The following ARL15 variants were observed in gnomAD, a reference collection of about 807,000 sequenced individuals.
ARL15 encodes the protein ARF like GTPase 15.
Under a neutral mutation model 25.2 loss-of-function variants are expected in ARL15, and 19 were observed. The ratio of observed to expected loss-of-function variants is 0.75; its 90% CI spans 0.53 to 1.10. The LOEUF (loss-of-function observed/expected upper bound fraction) is 1.10, where lower values mean the gene tolerates loss of function less well. Among genes scored for constraint, ARL15 ranks in the 50% least tolerant of loss-of-function variants. ARL15 has a pLI of 0.00. For missense variants in ARL15, 220 were observed against 246.0 expected (o/e 0.89, Z 0.71); for synonymous variants, 94 against 86.8 (o/e 1.08, Z -0.46).
chr5:54,011,336 T>G (rs1229572751), intron 4 of ARL15, among the ~76,000 whole-genome samples: 1 of 152,196 alleles, frequency 6.6e-6, no homozygotes, highest in African/African-American at 2.4e-5. Flanking sequence ...ACACAGAACT[T>G]CAACTTTCTA....
chr5:54,169,912 T>C lies in ARL15; in HGVS notation c.193+1872A>G, dbSNP rs142182879. ...TACTCATTACAATCCCCTTATCCTT[T>C]CCCTCATCCTAAAATCAAGCAATGT... On this transcript the variant is annotated intron_variant, in intron 2 of 4. Coordinates refer to ENST00000504924, the MANE Select transcript of ARL15 (RefSeq NM_019087.3). Among the ~76,000 whole-genome samples the C allele has an allele frequency of 2.7e-3, 413 of 152,152 alleles. 3 individuals are homozygous for C. Among genetic ancestry groups the C allele is most frequent in the African/African-American group, 9.7e-3 (401 of 41,522 alleles).
intron 1 of ARL15, among the ~76,000 whole-genome samples, chr5:54,299,330 T>C (rs1283847592): frequency 6.6e-6 from 1 of 152,178 alleles, no homozygotes; most frequent in Non-Finnish European, 1.5e-5. Context: ...TGAACCCTCA[T>C]GCATGGCTAT....
chr5:53,908,165 ATTTTATCAT>A (rs779499778), intron 4 of ARL15, among the ~76,000 whole-genome samples: 29 of 152,326 alleles, frequency 1.9e-4, no homozygotes, highest in Middle Eastern at 3.4e-3. Context: ...TGTTACAATT[ATTTTATCAT>A]TAGTTACTAT....
chr5:53,961,479 CAGAG>C (rs1747368570), intron 4 of ARL15, among the ~76,000 whole-genome samples: 1 of 107,816 alleles, frequency 9.3e-6, no homozygotes, highest in South Asian at 3.1e-4. Flanking sequence ...GTCTGGGTGA[CAGAG>C]AGACTCTGTC....
At chr5:53,971,107 G>A (rs1466875291) in intron 4 of ARL15, among the ~76,000 whole-genome samples, 1 of 152,146 alleles carries the variant, frequency 6.6e-6, no homozygotes, top group East Asian at 1.9e-4. Context: ...AATTATAAAT[G>A]TTAAAAGTAA....
rs1169196723 is a variant in ARL15, at chr5:53,884,853, C to T, written c.*1708G>A. 6.6e-6 allele frequency: 1 copy of T among 152,490 alleles called. No individual in the cohort carries two copies. Among genetic ancestry groups the T allele is most frequent in the Non-Finnish European group, 1.5e-5 (1 of 68,022 alleles). The allele number at this position is 152,490 out of a possible 1,614,324, so 9.4% of individuals were successfully genotyped here. On this transcript the variant is annotated 3_prime_UTR_variant, in exon 5 of 5. Transcript: ENST00000504924. ...CAAAATAAAAACAGGAATTGTGTAA[C>T]TGGTCATCGGAATAAAAGTTTTGTG...
intron 4 of ARL15, among the ~76,000 whole-genome samples, chr5:53,955,322 CA>C (rs1747111276): frequency 6.6e-6 from 1 of 152,018 alleles, no homozygotes; most frequent in African/African-American, 2.4e-5. Context: ...TTCTTCTTTA[CA>C]GAGATTTATA....
chr5:53,987,506 C>T (rs761102940), intron 4 of ARL15, among the ~76,000 whole-genome samples: 104 of 150,560 alleles, frequency 6.9e-4, no homozygotes, highest in Non-Finnish European at 1.4e-3. Flanking sequence ...CCAACTCACA[C>T]ATTCTGAATT....
intron 1 of ARL15, among the ~76,000 whole-genome samples, chr5:54,255,866 G>A (rs546222734): frequency 6.6e-6 from 1 of 152,118 alleles, no homozygotes. Flanking sequence ...TCTTCAAGAT[G>A]AATGATAATA....
intron 3 of ARL15, among the ~76,000 whole-genome samples, chr5:54,128,385 G>A (rs1016793839): frequency 6.6e-6 from 1 of 152,034 alleles, no homozygotes; most frequent in Non-Finnish European, 1.5e-5. Flanking sequence ...CAATTTTTCT[G>A]GATATTTTAG....
chr5:54,042,395 A>G (rs1750370541), intron 4 of ARL15, among the ~76,000 whole-genome samples: 3 of 152,230 alleles, frequency 2.0e-5, no homozygotes. Context: ...TGTCGGTATC[A>G]TTATCAGAGG....
At chr5:54,140,817 T>C (rs541500691) in intron 3 of ARL15, among the ~76,000 whole-genome samples, 1 of 152,272 alleles carries the variant, frequency 6.6e-6, no homozygotes, top group Admixed American at 6.5e-5. Flanking sequence ...ACTGCAAAGA[T>C]TCTTGAACAA....
At chr5:54,155,680 T>TCACACACACACACA (rs58416810) in intron 2 of ARL15, among the ~76,000 whole-genome samples, 16 of 149,940 alleles carry the variant, frequency 1.1e-4, no homozygotes, top group Non-Finnish European at 3.0e-5. Flanking sequence ...ATATACCCAT[T>TCACACACACACACA]CACACACACA....
chr5:53,886,295 C>T lies in ARL15; in HGVS notation c.*266G>A. The T allele has an allele frequency of 2.8e-6, 1 of 352,316 alleles. No homozygotes were observed. The highest frequency in any genetic ancestry group is 5.2e-6 in the Non-Finnish European group (1 of 193,182). The allele number at this position is 352,316 out of a possible 1,614,324, so 21.8% of individuals were successfully genotyped here. On this transcript the variant is annotated 3_prime_UTR_variant, in exon 5 of 5. Coordinates refer to ENST00000504924, the MANE Select transcript of ARL15 (RefSeq NM_019087.3). ...CAGAGTATAGAAGAGATGCTTAGAA[C>T]AACAGAAGGAAGAGACATGCGGGGA...
chr5:53,925,242 G>T (rs376101846), intron 4 of ARL15, among the ~76,000 whole-genome samples: 1 of 150,248 alleles, frequency 6.7e-6, no homozygotes, highest in Non-Finnish European at 1.5e-5. Context: ...TGTCACCGAC[G>T]CTGGAGTGCA....
At chr5:54,118,070 CATTCA>C (rs1224301828) in intron 3 of ARL15, among the ~76,000 whole-genome samples, 1 of 152,120 alleles carries the variant, frequency 6.6e-6, no homozygotes, top group African/African-American at 2.4e-5. Flanking sequence ...TAAAAAAATA[CATTCA>C]AAGTACAAGA....
At position 54,204,222 on chromosome 5, in the gene ARL15, G is replaced by A. The variant is rs577491708; in HGVS notation, c.49-32294C>T. Among the ~76,000 whole-genome samples, 65 of 152,200 alleles carry A rather than the reference G, an allele frequency of 4.3e-4. 1 individual carries two copies. Among genetic ancestry groups the A allele is most frequent in the African/African-American group, 1.5e-3 (61 of 41,540 alleles). ...GATAATTATATTAATAACAGTGAGG[G>A]TGAAGACAAGACTGAACTTTTCCAT... On this transcript the variant is annotated intron_variant, in intron 1 of 4. Coordinates refer to ENST00000504924, the MANE Select transcript of ARL15 (RefSeq NM_019087.3).
At chr5:54,065,790 T>G (rs1175410582) in intron 4 of ARL15, among the ~76,000 whole-genome samples, 1 of 152,174 alleles carries the variant, frequency 6.6e-6, no homozygotes, top group Non-Finnish European at 1.5e-5. Flanking sequence ...AGAAAAATAA[T>G]GTAAAACCTC....
chr5:54,144,302 A>T (rs1753849751), intron 3 of ARL15, among the ~76,000 whole-genome samples: 1 of 152,056 alleles, frequency 6.6e-6, no homozygotes, highest in Admixed American at 6.5e-5. Flanking sequence ...GGGATGCTAG[A>T]ACTTCTGTAA....
Sources: gnomAD v4.1 joint callset for allele counts (sites outside exome capture counted in the v4.1 genomes callset) on GRCh38, gnomAD v4.1.1 for gene constraint, MANE v1.5 for transcripts, NCBI Gene and HGNC (gene_info 2026-07-23, HGNC 2026-07-21) for gene names.